The following GPR107 variants were observed in gnomAD, a reference collection of about 807,000 sequenced individuals.
GPR107 encodes protein GPR107.
A neutral mutation model predicts 75.5 loss-of-function variants in GPR107; 31 were observed. That is an observed-to-expected ratio of 0.41 (90% CI 0.31 to 0.55). GPR107 has a LOEUF of 0.55. Ranked by LOEUF, GPR107 falls within the 20% of genes least tolerant of loss-of-function variation. GPR107 has a pLI of 0.26. For synonymous variants in GPR107, 267 were observed against 251.3 expected (o/e 1.06, Z -0.59); for missense variants, 572 against 665.7 (o/e 0.86, Z 1.55).
chr9:130,126,388 C>T (rs1019175977), intron 15 of GPR107, among the ~76,000 whole-genome samples: 1 of 149,010 alleles, frequency 6.7e-6, no homozygotes, highest in Admixed American at 6.7e-5. Context: ...TCTTGTCTCC[C>T]AGGCTGGAGT....
rs1339260281 is a variant in GPR107 at position 130,135,007 on chromosome 9, T to C, written c.1563-18T>C. On this transcript the variant is annotated intron_variant, in intron 17 of 17. Coordinates refer to ENST00000347136, the MANE Select transcript of GPR107 (RefSeq NM_020960.5). Reference sequence around the variant, plus strand: ...AGACTGTGAGATGTTCCTAATTGTTTTTTCTTTCCTTGTTCAGTGTGACAA... The same window carrying C: ...AGACTGTGAGATGTTCCTAATTGTTCTTTCTTTCCTTGTTCAGTGTGACAA... 6.8e-7 allele frequency: 1 copy of C among 1,473,680 alleles called. No individual in the cohort carries two copies. Among genetic ancestry groups the C allele is most frequent in the Non-Finnish European group, 9.5e-7 (1 of 1,054,822 alleles). The allele number at this position is 1,473,680 out of a possible 1,614,324, so 91.3% of individuals were successfully genotyped here. A position where few individuals can be genotyped will look rare whatever the true frequency, so the allele number is the denominator to read the frequency against.
At chr9:130,063,480 G>A (rs959790285) in intron 1 of GPR107, among the ~76,000 whole-genome samples, 21 of 152,126 alleles carry the variant, frequency 1.4e-4, no homozygotes, top group African/African-American at 4.3e-4. Flanking sequence ...ATGAGCCACC[G>A]TACCCGGCTA....
At chr9:130,084,845 A>G (rs1830579545) in intron 6 of GPR107, among the ~76,000 whole-genome samples, 2 of 151,974 alleles carry the variant, frequency 1.3e-5, no homozygotes, top group South Asian at 2.1e-4. Context: ...AGGATCAGGT[A>G]GTTAGGGAAG....
At chr9:130,107,919 C>T (rs1365866205) in intron 14 of GPR107, among the ~76,000 whole-genome samples, 1 of 152,138 alleles carries the variant, frequency 6.6e-6, no homozygotes, top group Admixed American at 6.5e-5. Flanking sequence ...GTAAAGCAGC[C>T]CTGCCTGCTG....
intron 10 of GPR107, 43 bp from the exon 11 acceptor site, chr9:130,100,586 T>C (rs1414719928): frequency 8.4e-6 from 11 of 1,317,002 alleles, no homozygotes; most frequent in Non-Finnish European, 1.2e-5. Context: ...TGTGGAGCCA[T>C]GTAGATAATG....
rs1829645746 is a variant in GPR107 at position 130,053,943 on chromosome 9, T to C, written c.11T>C (p.Leu4Pro). 2 of 1,556,976 alleles carry C rather than the reference T, an allele frequency of 1.3e-6. No homozygotes were observed. Among genetic ancestry groups the C allele is most frequent in the Non-Finnish European group, 1.7e-6 (2 of 1,152,216 alleles). MAA[L>P]APVGSPASRG... is the part of the protein sequence containing the mutation. Reference sequence around the variant, plus strand: ...GATGCTGGAACAAACATGGCCGCTCTGGCGCCCGTCGGCTCCCCCGCCTCC... The same window carrying C: ...GATGCTGGAACAAACATGGCCGCTCCGGCGCCCGTCGGCTCCCCCGCCTCC... The change falls in exon 1 of 18, where the codon CTG becomes CCG. Residue 4 changes from leucine (L) to proline (P), a missense_variant. Transcript: ENST00000347136.
At chr9:130,110,941 TC>T (rs1831283411) in intron 14 of GPR107, among the ~76,000 whole-genome samples, 1 of 152,202 alleles carries the variant, frequency 6.6e-6, no homozygotes, top group Non-Finnish European at 1.5e-5. Context: ...AGCCTGACAT[TC>T]TGTTTCCTGT....
chr9:130,055,470 G>C (rs1208655676), intron 1 of GPR107, among the ~76,000 whole-genome samples: 2 of 147,936 alleles, frequency 1.4e-5, no homozygotes, highest in African/African-American at 5.0e-5. Context: ...GGAGCTTGCA[G>C]TGAGCCAAGA....
intron 7 of GPR107, among the ~76,000 whole-genome samples, chr9:130,089,681 C>T (rs1265892172): frequency 1.3e-5 from 2 of 152,102 alleles, no homozygotes; most frequent in African/African-American, 4.8e-5. Context: ...CTTTTTTAGA[C>T]TTCCCCTGAA....
chr9:130,095,390 A>G (rs1286108817), intron 9 of GPR107, among the ~76,000 whole-genome samples: 1 of 152,002 alleles, frequency 6.6e-6, no homozygotes, highest in African/African-American at 2.4e-5. Context: ...TTGTGGTAAC[A>G]GTTTTCTTTA....
chr9:130,059,790 AT>A (rs1171446378), intron 1 of GPR107, among the ~76,000 whole-genome samples: 5 of 149,968 alleles, frequency 3.3e-5, no homozygotes, highest in Non-Finnish European at 7.4e-5. Context: ...CCAAGCTGGA[AT>A]GCCATGGTAT....
chr9:130,061,526 C>T (rs1414164167), intron 1 of GPR107, among the ~76,000 whole-genome samples: 1 of 152,044 alleles, frequency 6.6e-6, no homozygotes, highest in Non-Finnish European at 1.5e-5. Flanking sequence ...TACACATGAG[C>T]CTGGAGGCCA....
chr9:130,086,829 A>G (rs958295063), intron 7 of GPR107, among the ~76,000 whole-genome samples: 8 of 152,050 alleles, frequency 5.3e-5, no homozygotes, highest in Non-Finnish European at 1.2e-4. Flanking sequence ...TTCTGAAAGG[A>G]CCATTGATGA....
At chr9:130,085,754 A>ATTTTTGTTTTTTTTTTTTTTTT (rs1830598440) in intron 6 of GPR107, among the ~76,000 whole-genome samples, 1 of 78,674 alleles carries the variant, frequency 1.3e-5, no homozygotes, top group East Asian at 4.9e-4. Context: ...CAATATTTTG[A>ATTTTTGTTTTTTTTTTTTTTTT]TTTTTTTTTT....
chr9:130,106,312 T>C (rs899824227), intron 13 of GPR107, among the ~76,000 whole-genome samples: 2 of 151,956 alleles, frequency 1.3e-5, no homozygotes, highest in Non-Finnish European at 2.9e-5. Flanking sequence ...TTAATAATAT[T>C]TTTAGGCTGG....
chr9:130,131,756 C>T (rs575575643), intron 17 of GPR107, among the ~76,000 whole-genome samples: 15 of 152,268 alleles, frequency 9.9e-5, no homozygotes, highest in South Asian at 4.1e-4. Flanking sequence ...TTCCTCAGCC[C>T]GTGCAGAGCG....
intron 14 of GPR107, among the ~76,000 whole-genome samples, chr9:130,119,492 C>T (rs868532458): frequency 6.6e-6 from 1 of 152,196 alleles, no homozygotes; most frequent in Non-Finnish European, 1.5e-5. Flanking sequence ...GGGCGGGCAT[C>T]GTTACTTCTG....
chr9:130,079,018 G>T (rs1320811301), intron 4 of GPR107, among the ~76,000 whole-genome samples: 1 of 152,182 alleles, frequency 6.6e-6, no homozygotes, highest in Non-Finnish European at 1.5e-5. Context: ...GAGTGCAGTG[G>T]CACGATCTTG....
chr9:130,086,957 A>C (rs763635471), intron 7 of GPR107, among the ~76,000 whole-genome samples: 3 of 152,178 alleles, frequency 2.0e-5, no homozygotes, highest in Non-Finnish European at 4.4e-5. Context: ...GCAGCATAAT[A>C]GCATACGTAT....
Sources: gnomAD v4.1 joint callset for allele counts (sites outside exome capture counted in the v4.1 genomes callset) on GRCh38, gnomAD v4.1.1 for gene constraint, MANE v1.5 for transcripts, NCBI Gene and HGNC (gene_info 2026-07-23, HGNC 2026-07-21) for gene names.